Variants in HTR2C observed in about 807,000 individuals in gnomAD.
The protein encoded by HTR2C is 5-hydroxytryptamine (serotonin) receptor 2C, G protein-coupled.
A neutral mutation model predicts 21.0 loss-of-function variants in HTR2C; 5 were observed. The observed-to-expected ratio is 0.24, with a 90% confidence interval of 0.12 to 0.50. The LOEUF is 0.50. HTR2C is among the 20% of genes least tolerant of loss of function. HTR2C has a pLI of 0.98. For missense variants in HTR2C, 271 were observed against 371.2 expected (o/e 0.73, Z 2.22); for synonymous variants, 150 against 145.3 (o/e 1.03, Z -0.23).
At chrX:114,806,102 C>CAT (rs1556449308) in intron 4 of HTR2C, among the ~76,000 whole-genome samples, 3 of 97,923 alleles carry the variant, frequency 3.1e-5, no homozygotes, top group East Asian at 3.3e-4. Context: ...ATATATACAC[C>CAT]ATATATACCA....
At chrX:114,846,910 T>C (rs1175641540) in intron 4 of HTR2C, among the ~76,000 whole-genome samples, 2 of 110,658 alleles carry the variant, frequency 1.8e-5, no homozygotes, top group African/African-American at 3.3e-5. Context: ...TCCCAAAGAG[T>C]CAACACAAAA....
chrX:114,620,860 G>A (rs1556401547), intron 2 of HTR2C, among the ~76,000 whole-genome samples: 1 of 111,495 alleles, frequency 9.0e-6, no homozygotes, highest in Non-Finnish European at 1.9e-5. Context: ...TCAGTCTGGG[G>A]AGGAATCTGA....
At chrX:114,710,254 G>C (rs1199919458) in intron 2 of HTR2C, among the ~76,000 whole-genome samples, 1 of 111,235 alleles carries the variant, frequency 9.0e-6, no homozygotes, top group East Asian at 2.8e-4. Context: ...GTGCAACCCC[G>C]TCTCTAAACA....
chrX:114,699,657 C>T (rs1556416364), intron 2 of HTR2C, among the ~76,000 whole-genome samples: 1 of 111,710 alleles, frequency 9.0e-6, no homozygotes, highest in East Asian at 2.8e-4. Flanking sequence ...TGAGCTTTTC[C>T]TCAGAGAGTG....
chrX:114,774,905 G>C, intron 4 of HTR2C: 1 of 541,428 alleles, frequency 1.8e-6, no homozygotes. Flanking sequence ...AATCCCCCAG[G>C]CATTCCTCCA....
At chrX:114,624,239 A>T (rs182997928) in intron 2 of HTR2C, among the ~76,000 whole-genome samples, 293 of 111,231 alleles carry the variant, frequency 2.6e-3, no homozygotes, top group African/African-American at 8.8e-3. Context: ...TTACTGGTAG[A>T]GCATAAGCGC....
At chrX:114,765,038 T>TC (rs1329162899) in intron 4 of HTR2C, among the ~76,000 whole-genome samples, 8 of 107,381 alleles carry the variant, frequency 7.5e-5, no homozygotes, top group Non-Finnish European at 1.3e-4. Flanking sequence ...TTTCTTTCTT[T>TC]CTTTTTTTTT....
intron 5 of HTR2C, among the ~76,000 whole-genome samples, chrX:114,855,049 G>A (rs781812082): frequency 8.0e-5 from 9 of 111,877 alleles, no homozygotes; most frequent in African/African-American, 2.6e-4. Context: ...ATAGAAGATA[G>A]CTAGATTCTC....
At chrX:114,802,970 G>T (rs2070365327) in intron 4 of HTR2C, among the ~76,000 whole-genome samples, 1 of 81,134 alleles carries the variant, frequency 1.2e-5, no homozygotes, top group Non-Finnish European at 2.3e-5. Context: ...CTATGAGTGA[G>T]AATATGCGGT....
chrX:114,689,208 G>GTATATATATATATATATA (rs58916694), intron 2 of HTR2C, among the ~76,000 whole-genome samples: 1,140 of 72,507 alleles, frequency 0.016, 28 homozygotes, highest in Middle Eastern at 0.05. Flanking sequence ...GTATGTATGC[G>GTATATATATATATATATA]TATATATATA....
chrX:114,709,095 C>T (rs1556418882), intron 2 of HTR2C, among the ~76,000 whole-genome samples: 1 of 111,746 alleles, frequency 8.9e-6, no homozygotes, highest in African/African-American at 3.2e-5. Context: ...ATGTATTCTT[C>T]CACCTTTTTT....
chrX:114,614,171 A>G (rs1556399380), intron 2 of HTR2C, among the ~76,000 whole-genome samples: 1 of 111,632 alleles, frequency 9.0e-6, no homozygotes, highest in Non-Finnish European at 1.9e-5. Flanking sequence ...AAATAAGTAT[A>G]AAGTATGATA....
intron 2 of HTR2C, among the ~76,000 whole-genome samples, chrX:114,680,693 G>C (rs782606122): frequency 9.0e-6 from 1 of 111,350 alleles, no homozygotes; most frequent in East Asian, 2.8e-4. Flanking sequence ...TTCATCTCTT[G>C]TTTCTAAGAA....
chrX:114,674,805 G>C (rs1931496315), intron 2 of HTR2C, among the ~76,000 whole-genome samples: 1 of 111,431 alleles, frequency 9.0e-6, no homozygotes, highest in Non-Finnish European at 1.9e-5. Flanking sequence ...TAAAAGCAGA[G>C]GCAGTTTTAG....
At chrX:114,867,178 C>T (rs2071052504) in intron 5 of HTR2C, among the ~76,000 whole-genome samples, 1 of 111,630 alleles carries the variant, frequency 9.0e-6, no homozygotes, top group Non-Finnish European at 1.9e-5. Flanking sequence ...TATTGCCTGA[C>T]TTTTGGATAT....
rs1556412476 is a variant in HTR2C at position 114,675,868 on chromosome X, C to CTTTTTTT, written c.-79-50984_-79-50983insTTTTTTT. 5.9e-4 allele frequency among the ~76,000 whole-genome samples: 56 copies of CTTTTTTT among 94,250 alleles called. 3 individuals carry two copies. The highest frequency in any genetic ancestry group is 6.8e-4 in the East Asian group (2 of 2,935). 81.8% of individuals were successfully genotyped at this position (94,250 alleles called of 115,157 possible). ...TTTTAAGACTTTTCGTTTCTTTTTT[C>CTTTTTTT]TTTTTTCTTTTTTTTTTTGAGACGA... On this transcript the variant is annotated intron_variant, in intron 2 of 5. Coordinates refer to ENST00000276198, the MANE Select transcript of HTR2C (RefSeq NM_000868.4).
At chrX:114,837,140 A>T (rs1426412758) in intron 4 of HTR2C, among the ~76,000 whole-genome samples, 1 of 112,047 alleles carries the variant, frequency 8.9e-6, no homozygotes, top group African/African-American at 3.2e-5. Flanking sequence ...TTACTCACAT[A>T]ATTTTCTCCT....
intron 2 of HTR2C, among the ~76,000 whole-genome samples, chrX:114,628,349 GT>G: frequency 9.4e-6 from 1 of 106,083 alleles, no homozygotes; most frequent in Non-Finnish European, 1.9e-5. Flanking sequence ...AGTGATTCTT[GT>G]GCCTCAGGCT....
intron 4 of HTR2C, among the ~76,000 whole-genome samples, chrX:114,807,027 A>AT (rs1556450471): frequency 5.5e-5 from 2 of 36,613 alleles, no homozygotes; most frequent in Non-Finnish European, 1.3e-4. Context: ...TACCATATAT[A>AT]CCATATACAC....
Sources: gnomAD v4.1 joint callset for allele counts (sites outside exome capture counted in the v4.1 genomes callset) on GRCh38, gnomAD v4.1.1 for gene constraint, MANE v1.5 for transcripts, NCBI Gene and HGNC (gene_info 2026-07-23, HGNC 2026-07-21) for gene names.